DOCK10: variants seen among roughly 807,000 people sequenced by gnomAD.
The protein encoded by DOCK10 is dedicator of cytokinesis protein 10.
A neutral mutation model predicts 280.1 loss-of-function variants in DOCK10; 145 were observed. That is an observed-to-expected ratio of 0.52 (90% CI 0.45 to 0.59). The LOEUF is 0.59. Ranked by LOEUF, DOCK10 falls within the 20% of genes least tolerant of loss-of-function variation. The pLI is 0.00. For synonymous variants in DOCK10, 915 were observed against 942.2 expected (o/e 0.97, Z 0.53); for missense variants, 2,368 against 2,651.7 (o/e 0.89, Z 2.35).
intron 41 of DOCK10, 146 bp from the exon 42 acceptor site, chr2:224,798,115 T>A (rs1308688226): frequency 2.9e-5 from 22 of 758,574 alleles, no homozygotes; most frequent in Non-Finnish European, 3.4e-5. Flanking sequence ...ACAGTTCATG[T>A]TTACTGTGAA....
intron 50 of DOCK10, among the ~76,000 whole-genome samples, chr2:224,782,212 A>G (rs899539708): frequency 6.6e-6 from 1 of 152,180 alleles, no homozygotes; most frequent in Non-Finnish European, 1.5e-5. Context: ...ATGGTTTTCC[A>G]TACTACGCCT....
intron 1 of DOCK10, among the ~76,000 whole-genome samples, chr2:224,991,723 A>C (rs902812456): frequency 1.3e-5 from 2 of 152,178 alleles, no homozygotes; most frequent in Non-Finnish European, 2.9e-5. Context: ...TGGGCCACCC[A>C]CCAAAGGAAG....
Position 224,951,939 on chromosome 2 carries a change from A to T in DOCK10, c.124-20271T>A, listed in dbSNP as rs141114909. ...CCCCTGACTCAAGGACCCTTTCTAA[A>T]CCAGAAATAGCCAGCTGAATCACTC... is the stretch of plus-strand genomic sequence containing the variant. On this transcript the variant is annotated intron_variant, in intron 1 of 55. Coordinates refer to ENST00000258390, the MANE Select transcript of DOCK10 (RefSeq NM_014689.3). 7.2e-3 allele frequency among the ~76,000 whole-genome samples: 1,096 copies of T among 152,232 alleles called. 47 individuals are homozygous for T. The highest frequency in any genetic ancestry group is 0.063 in the Admixed American group (958 of 15,286).
intron 2 of DOCK10, among the ~76,000 whole-genome samples, chr2:224,921,108 A>ATATATATATAT (rs1553613930): frequency 1.4e-5 from 1 of 71,074 alleles, no homozygotes; most frequent in African/African-American, 1.0e-4. Flanking sequence ...AAAAAAAAAA[A>ATATATATATAT]AAAAATATAT....
In DOCK10 at chr2:224,845,627, G is replaced by C. The variant is rs1696292659; in HGVS notation, c.2251C>G (p.Pro751Ala). The C allele has an allele frequency of 6.2e-7, 1 of 1,610,238 alleles. No individual in the cohort carries two copies. Among genetic ancestry groups the C allele is most frequent in the African/African-American group, 1.3e-5 (1 of 74,682 alleles). Residue 751 changes from proline to alanine, a missense_variant, in exon 20 of 56, where the codon CCA becomes GCA. Pro to Ala is a conservative substitution (Grantham distance 27). Coordinates refer to ENST00000258390, the MANE Select transcript of DOCK10 (RefSeq NM_014689.3). ...TGGTGTTTCTCATGGAGTTGTGTTG[G>C]TAGCTCAATTTTCACCTGCAACGAA... The part of the protein sequence containing the change: ...DFSDEVKIEL[P>A]TQLHEKHHIL...
chr2:224,928,100 T>C (rs184425302), intron 2 of DOCK10, among the ~76,000 whole-genome samples: 175 of 152,318 alleles, frequency 1.1e-3, no homozygotes, highest in Non-Finnish European at 1.5e-3. Context: ...GCATGGACAC[T>C]TCCTGTTGGT....
At chr2:224,953,187 C>T (rs1156709423) in intron 1 of DOCK10, among the ~76,000 whole-genome samples, 1 of 152,228 alleles carries the variant, frequency 6.6e-6, no homozygotes, top group Non-Finnish European at 1.5e-5. Context: ...TCAGTTATTA[C>T]TTCCTTATTA....
chr2:224,783,416 A>G (rs1379089373), intron 50 of DOCK10, among the ~76,000 whole-genome samples: 1 of 151,926 alleles, frequency 6.6e-6, no homozygotes, highest in East Asian at 1.9e-4. Context: ...CTGGGATTAC[A>G]GGCGCTCGCC....
At chr2:224,965,353 A>G (rs1387293835) in intron 1 of DOCK10, among the ~76,000 whole-genome samples, 1 of 151,738 alleles carries the variant, frequency 6.6e-6, no homozygotes, top group African/African-American at 2.4e-5. Context: ...AATGCCCAAC[A>G]AGTAGGCATT....
chr2:224,993,202 GTTTT>G (rs112976099), intron 1 of DOCK10, among the ~76,000 whole-genome samples: 1 of 136,224 alleles, frequency 7.3e-6, no homozygotes. Flanking sequence ...TTCTTTGGAA[GTTTT>G]TTTTTTTTTT....
intron 2 of DOCK10, among the ~76,000 whole-genome samples, chr2:224,927,500 G>A (rs1162231216): frequency 1.3e-5 from 2 of 152,106 alleles, no homozygotes; most frequent in Non-Finnish European, 2.9e-5. Context: ...GGCAAATGAG[G>A]GTATTTGTGG....
chr2:224,993,734 C>G (rs4592840), intron 1 of DOCK10, among the ~76,000 whole-genome samples: 18,971 of 152,150 alleles, frequency 0.12, 2,438 homozygotes, highest in African/African-American at 0.33. Flanking sequence ...TGTCCCCTAC[C>G]CAATGTGGCC....
chr2:225,035,573 T>TA (rs33971093), intron 1 of DOCK10, among the ~76,000 whole-genome samples: 5,429 of 44,124 alleles, frequency 0.12, 532 homozygotes, highest in Middle Eastern at 0.4. Flanking sequence ...TATATATATA[T>TA]ATATATATAT....
At chr2:224,835,267 A>G (rs530921222) in intron 25 of DOCK10, among the ~76,000 whole-genome samples, 2 of 152,318 alleles carry the variant, frequency 1.3e-5, no homozygotes, top group Admixed American at 6.5e-5. Flanking sequence ...CGTCATCATC[A>G]ATGAGCTCAT....
At chr2:224,868,706 T>G (rs1698080358) in intron 11 of DOCK10, among the ~76,000 whole-genome samples, 1 of 152,170 alleles carries the variant, frequency 6.6e-6, no homozygotes, top group Non-Finnish European at 1.5e-5. Context: ...GCATATAAGA[T>G]AAATTCAATA....
chr2:224,845,430 AT>A, intron 20 of DOCK10, 88 bp downstream of exon 20: 2 of 1,543,634 alleles, frequency 1.3e-6, no homozygotes, highest in Non-Finnish European at 1.8e-6. Flanking sequence ...ATGAAAAATA[AT>A]TCAATAAATC....
At chr2:224,932,667 T>C (rs960083262) in intron 1 of DOCK10, among the ~76,000 whole-genome samples, 5 of 152,258 alleles carry the variant, frequency 3.3e-5, no homozygotes, top group Non-Finnish European at 5.9e-5. Flanking sequence ...AAAATTATTA[T>C]TTTTCTTTTT....
At position 225,018,513 on chromosome 2, in the gene DOCK10, TTATA is replaced by T. The variant is rs529656470; in HGVS notation, c.123+23735_123+23738del. Among the ~76,000 whole-genome samples, 42 of 109,334 alleles carry T rather than the reference TTATA, an allele frequency of 3.8e-4. 1 individual carries two copies. The highest frequency in any genetic ancestry group is 1.9e-3 in the African/African-American group (41 of 21,334). 71.7% of individuals were successfully genotyped at this position (109,334 alleles called of 152,430 possible). ...ATATATATATAATATATATGTAATATTATATATATATAATATATATGTAATATTA... is the reference window on the plus strand; with the variant it reads ...ATATATATATAATATATATGTAATATTATATATAATATATATGTAATATTA... On this transcript the variant is annotated intron_variant, in intron 1 of 55. Coordinates refer to ENST00000258390, the MANE Select transcript of DOCK10 (RefSeq NM_014689.3).
intron 44 of DOCK10, among the ~76,000 whole-genome samples, chr2:224,795,576 T>C (rs1692506223): frequency 6.6e-6 from 1 of 152,204 alleles, no homozygotes; most frequent in Non-Finnish European, 1.5e-5. Context: ...TTTCTACTCA[T>C]AAGATACTAC....
Sources: allele counts gnomAD v4.1 joint callset (sites outside exome capture counted in the v4.1 genomes callset), GRCh38; gene constraint gnomAD v4.1.1; transcripts MANE v1.5; gene names NCBI Gene and HGNC (gene_info 2026-07-23, HGNC 2026-07-21).